DLGAP3: variants seen among roughly 807,000 people sequenced by gnomAD.
DLGAP3 encodes the protein disks large-associated protein 3.
Under a neutral mutation model 81.2 loss-of-function variants are expected in DLGAP3, and 17 were observed. The ratio of observed to expected loss-of-function variants is 0.21; its 90% CI spans 0.14 to 0.31. The LOEUF (loss-of-function observed/expected upper bound fraction) is 0.31, where lower values mean the gene tolerates loss of function less well. Among genes scored for constraint, DLGAP3 ranks in the 10% least tolerant of loss-of-function variants. The pLI is 1.00. For missense variants in DLGAP3, 1,124 were observed against 1,388.0 expected, an observed-to-expected ratio of 0.81 and a Z score of 3.02; for synonymous variants, 577 against 587.4, an observed-to-expected ratio of 0.98 and a Z score of 0.26.
intron 11 of DLGAP3, among the ~76,000 whole-genome samples, chr1:34,866,788 C>CG (rs1166568660): frequency 6.6e-6 from 1 of 151,670 alleles, no homozygotes; most frequent in East Asian, 2.0e-4. Context: ...GCCGCCACCC[C>CG]CCCAACCCCG....
chr1:34,884,995 C>T lies in DLGAP3; in HGVS notation c.1983G>A (p.Gln661=). 6.2e-7 allele frequency: 1 copy of T among 1,613,438 alleles called. No individual in the cohort carries two copies. Among genetic ancestry groups the T allele is most frequent in the Non-Finnish European group, 8.5e-7 (1 of 1,179,880 alleles). ...SRREFHSIGV[Q]VEEDKRRARF... Reference sequence around the variant, plus strand: ...GACTTTACCTCTTGTCCTCTTCCACCTGCACGCCAATAGAGTGGAACTCCC... The same window carrying T: ...GACTTTACCTCTTGTCCTCTTCCACTTGCACGCCAATAGAGTGGAACTCCC... The change falls in exon 8 of 12, where the codon CAG becomes CAA. Residue 661 remains glutamine, a synonymous_variant. Transcript: ENST00000373347.
intron 1 of DLGAP3, among the ~76,000 whole-genome samples, chr1:34,919,509 T>A (rs986719179): frequency 6.6e-6 from 1 of 152,190 alleles, no homozygotes; most frequent in Non-Finnish European, 1.5e-5. Flanking sequence ...CCGGGTGCAG[T>A]GACTCATACC....
intron 8 of DLGAP3, among the ~76,000 whole-genome samples, chr1:34,870,586 T>A (rs2148393318): frequency 6.6e-6 from 1 of 152,292 alleles, no homozygotes; most frequent in Non-Finnish European, 1.5e-5. Context: ...CCCAGAAGGA[T>A]GCTGCAGGAC....
Position 34,905,375 on chromosome 1 carries a change from A to G in DLGAP3, c.9T>C (p.Gly3=). 6.4e-7 allele frequency: 1 copy of G among 1,552,574 alleles called. No individual in the cohort carries two copies. The highest frequency in any genetic ancestry group is 8.7e-7 in the Non-Finnish European group (1 of 1,148,344). The change falls in exon 3 of 12, where the codon GGT becomes GGC. Residue 3 remains glycine, a synonymous_variant. Coordinates refer to ENST00000373347, the MANE Select transcript of DLGAP3 (RefSeq NM_001080418.3). ...GATGGCTGCCTCGGTCGCCATGGTAACCCCTCATGGCCTCAGCAAAGGCTC... is the reference window on the plus strand; with the variant it reads ...GATGGCTGCCTCGGTCGCCATGGTAGCCCCTCATGGCCTCAGCAAAGGCTC... The part of the protein sequence containing the change: MR[G]YHGDRGSHPR...
At chr1:34,869,566 C>T (rs942453979) in intron 8 of DLGAP3, among the ~76,000 whole-genome samples, 3 of 150,204 alleles carry the variant, frequency 2.0e-5, no homozygotes, top group South Asian at 2.1e-4. Context: ...CTCGGCTCAC[C>T]GCAACCTCCG....
chr1:34,928,733 A>G (rs1044626826), intron 1 of DLGAP3, among the ~76,000 whole-genome samples: 6 of 148,282 alleles, frequency 4.0e-5, no homozygotes, highest in Non-Finnish European at 8.9e-5. Flanking sequence ...GCGCACACGC[A>G]CACACACACA....
At chr1:34,928,207 C>T (rs1639901853) in intron 1 of DLGAP3, among the ~76,000 whole-genome samples, 1 of 152,086 alleles carries the variant, frequency 6.6e-6, no homozygotes, top group Non-Finnish European at 1.5e-5. Context: ...GTGGACTGAA[C>T]CAATAACCCA....
At chr1:34,876,773 G>A (rs1272785244) in intron 8 of DLGAP3, among the ~76,000 whole-genome samples, 1 of 152,040 alleles carries the variant, frequency 6.6e-6, no homozygotes, top group African/African-American at 2.4e-5. Flanking sequence ...TCCTCAGCCC[G>A]CCACATCAAG....
chr1:34,920,239 C>A (rs1639776609), intron 1 of DLGAP3, among the ~76,000 whole-genome samples: 1 of 152,200 alleles, frequency 6.6e-6, no homozygotes, highest in Non-Finnish European at 1.5e-5. Flanking sequence ...ACCTGGCTCC[C>A]AACTCCTGTT....
rs144823481 is a variant in DLGAP3 at position 34,904,917 on chromosome 1, G to A, written c.467C>T (p.Thr156Met). 2.5e-4 allele frequency: 396 copies of A among 1,611,868 alleles called. 1 individual carries two copies. The highest frequency in any genetic ancestry group is 3.1e-4 in the Non-Finnish European group (365 of 1,179,924). ...AGAGPGPAPG[T>M]GTAPEPRSES... is the part of the protein sequence containing the mutation. Reference sequence around the variant, plus strand: ...ACTGCGGGGCTCTGGGGCAGTGCCCGTCCCTGGCGCTGGCCCGGGCCCTGC... The same window carrying A: ...ACTGCGGGGCTCTGGGGCAGTGCCCATCCCTGGCGCTGGCCCGGGCCCTGC... The change falls in exon 3 of 12, where the codon ACG becomes ATG. Residue 156 changes from threonine to methionine, a missense_variant. Thr to Met is a moderately conservative substitution (Grantham distance 81, BLOSUM62 -1). This residue lies in a region of DLGAP3 where 65 missense variants were observed against 78.2 expected (regional missense o/e 0.83). Coordinates refer to ENST00000373347, the MANE Select transcript of DLGAP3 (RefSeq NM_001080418.3). The surrounding 1 kb of genome is among the most constrained non-coding windows in gnomAD (Gnocchi z 8.1).
Position 34,868,927 on chromosome 1 carries a change from C to T in DLGAP3, c.2163G>A (p.Arg721=). 1 of 1,609,092 alleles carries T rather than the reference C, an allele frequency of 6.2e-7. No individual in the cohort carries two copies. The highest frequency in any genetic ancestry group is 8.5e-7 in the Non-Finnish European group (1 of 1,179,802). The change falls in exon 9 of 12, where the codon CGG becomes CGA. Residue 721 remains arginine (R), a synonymous_variant. Coordinates refer to ENST00000373347, the MANE Select transcript of DLGAP3 (RefSeq NM_001080418.3). The surrounding 1 kb of genome is among the most constrained non-coding windows in gnomAD (Gnocchi z 7.5). ...RHASEPQPGP[R]APTYSVFRTV... ...TGCGGAAGACTGAGTAGGTGGGGGC[C>T]CGGGGCCCAGGCTGGGGCTCAGAGG...
intron 5 of DLGAP3, among the ~76,000 whole-genome samples, chr1:34,894,880 A>G (rs1353425918): frequency 1.3e-5 from 2 of 152,234 alleles, no homozygotes; most frequent in African/African-American, 2.4e-5. Flanking sequence ...GAACTAAAAT[A>G]CTGGGCAATA....
Position 34,885,999 on chromosome 1 carries a change from G to A in DLGAP3, c.1600+73C>T, listed in dbSNP as rs929757431. On this transcript the variant is annotated intron_variant, in intron 6 of 11. Transcript: ENST00000373347. ...TCTGCGCGGGTCACAGCACAGTCGAGGGGGAGGCCAGAACCCGGACCCAGG... is the reference window on the plus strand; with the variant it reads ...TCTGCGCGGGTCACAGCACAGTCGAAGGGGAGGCCAGAACCCGGACCCAGG... 6.2e-6 allele frequency: 9 copies of A among 1,440,708 alleles called. 1 individual carries two copies. The highest frequency in any genetic ancestry group is 4.0e-5 in the Admixed American group (2 of 50,002). The allele number at this position is 1,440,708 out of a possible 1,614,324, so 89.2% of individuals were successfully genotyped here.
chr1:34,877,252 C>A (rs1273482405), intron 8 of DLGAP3, among the ~76,000 whole-genome samples: 1 of 152,132 alleles, frequency 6.6e-6, no homozygotes, highest in East Asian at 1.9e-4. Context: ...AAGTCGGCAG[C>A]CAAGAAGGTC....
chr1:34,883,666 A>ACATACT (rs1639177920), intron 8 of DLGAP3, among the ~76,000 whole-genome samples: 1 of 152,160 alleles, frequency 6.6e-6, no homozygotes, highest in African/African-American at 2.4e-5. Context: ...TTTAGAAGTC[A>ACATACT]TGCAGGCAAC....
chr1:34,882,363 A>G (rs1295206296), intron 8 of DLGAP3, among the ~76,000 whole-genome samples: 2 of 152,206 alleles, frequency 1.3e-5, no homozygotes, highest in Non-Finnish European at 2.9e-5. Context: ...CTGTAATCCC[A>G]GGTACTTGAG....
In DLGAP3 at chr1:34,886,190, G is replaced by A; in HGVS notation, c.1482C>T (p.Gly494=). The change falls in exon 6 of 12, where the codon GGC becomes GGT. Residue 494 remains glycine (G), a synonymous_variant. Coordinates refer to ENST00000373347, the MANE Select transcript of DLGAP3 (RefSeq NM_001080418.3). Reference sequence around the variant, plus strand: ...AGCTGTGGCTCCGCATGCGGAAACAGCCGGGCAGGTCCAGGGCGTCCACGG... The same window carrying A: ...AGCTGTGGCTCCGCATGCGGAAACAACCGGGCAGGTCCAGGGCGTCCACGG... ...SQAVDALDLP[G]CFRMRSHSYL... is the part of the protein sequence containing the mutation. 6.2e-7 allele frequency: 1 copy of A among 1,611,396 alleles called. No homozygotes were observed.
Position 34,893,148 on chromosome 1 carries a change from C to T in DLGAP3, c.1386+6521G>A, listed in dbSNP as rs539764069. Among the ~76,000 whole-genome samples the T allele has an allele frequency of 7.1e-4, 104 of 146,052 alleles. 1 individual carries two copies. In the South Asian group the frequency reaches 0.018, roughly 25 times the overall value. The stretch of plus-strand genomic sequence containing the variant: ...GATTGCGCCACTGCAGTCCGCAGTC[C>T]GGCCTGGGCGACAGAGCGAGACTCC... On this transcript the variant is annotated intron_variant, in intron 5 of 11. Transcript: ENST00000373347.
intron 5 of DLGAP3, among the ~76,000 whole-genome samples, chr1:34,886,697 G>A (rs1314316713): frequency 1.3e-5 from 2 of 151,996 alleles, no homozygotes; most frequent in Non-Finnish European, 2.9e-5. Context: ...GTATGGGGGT[G>A]GGGACTTCAT....
Sources: allele counts gnomAD v4.1 joint callset (sites outside exome capture counted in the v4.1 genomes callset), GRCh38; gene constraint gnomAD v4.1.1; regional missense constraint gnomAD v4.1.1; non-coding constraint Gnocchi (gnomAD v3.1); transcripts MANE v1.5; gene names NCBI Gene and HGNC (gene_info 2026-07-23, HGNC 2026-07-21).